MICU1: variants seen among roughly 807,000 people sequenced by gnomAD.
The protein encoded by MICU1 is mitochondrial calcium uptake 1.
A neutral mutation model predicts 56.8 loss-of-function variants in MICU1; 45 were observed. The observed-to-expected ratio is 0.79, with a 90% confidence interval of 0.62 to 1.02. The LOEUF (loss-of-function observed/expected upper bound fraction) is 1.02, where lower values mean the gene tolerates loss of function less well. Among genes scored for constraint, MICU1 ranks in the 50% least tolerant of loss-of-function variants. The probability of loss-of-function intolerance (pLI) is 0.00; values close to 1 mark genes in which losing one functional copy is unlikely to be tolerated. For missense variants in MICU1, 504 were observed against 587.1 expected, an observed-to-expected ratio of 0.86 and a Z score of 1.46; for synonymous variants, 186 against 195.1, an observed-to-expected ratio of 0.95 and a Z score of 0.39.
intron 10 of MICU1, among the ~76,000 whole-genome samples, chr10:72,388,095 G>C (rs1185879667): frequency 4.6e-5 from 7 of 152,138 alleles, no homozygotes; most frequent in Admixed American, 4.6e-4. Context: ...CTCAAACTCA[G>C]GTTTGAACTT....
At chr10:72,555,850 G>A (rs1442062032) in intron 3 of MICU1, among the ~76,000 whole-genome samples, 5 of 152,180 alleles carry the variant, frequency 3.3e-5, no homozygotes, top group African/African-American at 1.2e-4. Context: ...GAGAGGATAG[G>A]GGAAGAATGG....
intron 2 of MICU1, among the ~76,000 whole-genome samples, chr10:72,563,820 T>A (rs578108412): frequency 9.6e-4 from 146 of 152,304 alleles, no homozygotes; most frequent in African/African-American, 3.4e-3. Context: ...GCCTCCTTGT[T>A]CTTCATCTCA....
At chr10:72,547,526 C>T (rs1282576330) in intron 4 of MICU1, among the ~76,000 whole-genome samples, 2 of 105,056 alleles carry the variant, frequency 1.9e-5, no homozygotes, top group African/African-American at 7.6e-5. Flanking sequence ...TGAATATATA[C>T]ACATATGTAT....
At chr10:72,412,044 T>C (rs1472704178) in intron 9 of MICU1, among the ~76,000 whole-genome samples, 1 of 152,298 alleles carries the variant, frequency 6.6e-6, no homozygotes, top group Middle Eastern at 3.4e-3. Flanking sequence ...GTGAGGGAAA[T>C]TGTATTGGAC....
intron 4 of MICU1, among the ~76,000 whole-genome samples, chr10:72,541,786 G>A (rs1211180248): frequency 6.6e-6 from 1 of 152,110 alleles, no homozygotes; most frequent in African/African-American, 2.4e-5. Context: ...CTGTGCAGTG[G>A]GCAACAAGAA....
chr10:72,524,256 G>C (rs1364070456), intron 5 of MICU1, among the ~76,000 whole-genome samples: 4 of 152,060 alleles, frequency 2.6e-5, no homozygotes, highest in Non-Finnish European at 5.9e-5. Flanking sequence ...GAGTAGCTAG[G>C]ACTACTACTG....
intron 6 of MICU1, chr10:72,483,273 C>T (rs543792782): frequency 6.5e-6 from 1 of 152,722 alleles, no homozygotes; most frequent in East Asian, 1.9e-4. Context: ...CCAGCTGGGT[C>T]TAGCAATAGC....
At chr10:72,533,304 T>C in intron 5 of MICU1, 1 of 389,412 alleles carries the variant, frequency 2.6e-6, no homozygotes, top group Non-Finnish European at 4.4e-6. Flanking sequence ...TATAGGCAAA[T>C]CTGGAGCAGT....
intron 10 of MICU1, among the ~76,000 whole-genome samples, chr10:72,383,319 G>T (rs1467486497): frequency 6.6e-6 from 1 of 151,934 alleles, no homozygotes; most frequent in African/African-American, 2.4e-5. Flanking sequence ...GGTACAAAAG[G>T]GGTGAAGTCT....
In MICU1 at chr10:72,475,039, C is replaced by A. The variant is rs537832916; in HGVS notation, c.933+61G>T. On this transcript the variant is annotated intron_variant, in intron 8 of 11. Transcript: ENST00000361114. ...GTAAATGGAAAGAATGCCTATAGTA[C>A]AGGCCCTCCTGCCCATCAGTTCCAC... 2,351 of 1,428,412 alleles carry A rather than the reference C, an allele frequency of 1.6e-3. 9 individuals carry two copies. Among genetic ancestry groups the A allele is most frequent in the Non-Finnish European group, 2.0e-3 (2,069 of 1,043,390 alleles). 88.5% of individuals were successfully genotyped at this position (1,428,412 alleles called of 1,614,324 possible).
At chr10:72,394,479 AG>A (rs2132073664) in intron 10 of MICU1, among the ~76,000 whole-genome samples, 1 of 152,168 alleles carries the variant, frequency 6.6e-6, no homozygotes, top group East Asian at 1.9e-4. Context: ...TACAAAAATT[AG>A]CCAGGTGTCG....
chr10:72,554,590 A>C (rs1234792310), intron 3 of MICU1, among the ~76,000 whole-genome samples: 1 of 152,258 alleles, frequency 6.6e-6, no homozygotes, highest in Non-Finnish European at 1.5e-5. Context: ...AATAAGCAAA[A>C]TTAAACTATA....
intron 8 of MICU1, among the ~76,000 whole-genome samples, chr10:72,434,097 T>C (rs946789502): frequency 2.0e-5 from 3 of 152,084 alleles, no homozygotes; most frequent in African/African-American, 7.2e-5. Context: ...TCATTAGGTA[T>C]GGAGAGATGG....
At chr10:72,527,370 T>C (rs1372804071) in intron 5 of MICU1, among the ~76,000 whole-genome samples, 1 of 151,996 alleles carries the variant, frequency 6.6e-6, no homozygotes, top group East Asian at 1.9e-4. Flanking sequence ...TGTTTTTGTT[T>C]TGTTTTGTTT....
At chr10:72,623,137 C>T (rs977675971) in intron 1 of MICU1, among the ~76,000 whole-genome samples, 3 of 151,330 alleles carry the variant, frequency 2.0e-5, no homozygotes, top group African/African-American at 4.8e-5. Flanking sequence ...GGCGTGGTGG[C>T]GCACGCTCCT....
chr10:72,549,186 T>C (rs1839969530), intron 4 of MICU1, among the ~76,000 whole-genome samples: 1 of 151,570 alleles, frequency 6.6e-6, no homozygotes. Context: ...TGTCTGTTTT[T>C]TTTGGTTTTT....
intron 1 of MICU1, among the ~76,000 whole-genome samples, chr10:72,576,504 CTCT>C (rs1318694356): frequency 6.6e-6 from 1 of 152,164 alleles, no homozygotes; most frequent in Non-Finnish European, 1.5e-5. Context: ...GACCTTAACT[CTCT>C]TCAATTATAT....
intron 1 of MICU1, among the ~76,000 whole-genome samples, chr10:72,602,807 C>G (rs746853308): frequency 1.3e-5 from 2 of 152,112 alleles, no homozygotes; most frequent in Non-Finnish European, 2.9e-5. Context: ...AGAATCAATA[C>G]TTAAGAATGC....
chr10:72,456,133 A>G (rs1302948993), intron 8 of MICU1, among the ~76,000 whole-genome samples: 1 of 152,206 alleles, frequency 6.6e-6, no homozygotes, highest in African/African-American at 2.4e-5. Context: ...GAGAAAGGCA[A>G]TGAGGTCTGA....
Sources: allele counts gnomAD v4.1 joint callset (sites outside exome capture counted in the v4.1 genomes callset), GRCh38; gene constraint gnomAD v4.1.1; transcripts MANE v1.5; gene names NCBI Gene and HGNC (gene_info 2026-07-23, HGNC 2026-07-21).